NEK11: variants seen among roughly 807,000 people sequenced by gnomAD.
The protein encoded by NEK11 is serine/threonine-protein kinase Nek11.
A neutral mutation model predicts 80.7 loss-of-function variants in NEK11; 72 were observed. That is an observed-to-expected ratio of 0.89 (90% confidence interval 0.74 to 1.08). NEK11 has a LOEUF of 1.08. Among genes scored for constraint, NEK11 ranks in the 50% least tolerant of loss-of-function variants. The pLI is 0.00. For synonymous variants in NEK11, 251 were observed against 260.7 expected, an observed-to-expected ratio of 0.96 and a Z score of 0.36; for missense variants, 764 against 763.6, an observed-to-expected ratio of 1.00 and a Z score of -0.01.
intron 7 of NEK11, among the ~76,000 whole-genome samples, chr3:131,147,435 C>T (rs1279920030): frequency 1.3e-5 from 2 of 151,952 alleles, no homozygotes; most frequent in African/African-American, 2.4e-5. Flanking sequence ...ATTTTTTCTT[C>T]TTTGCCAATA....
At chr3:131,113,656 T>C (rs944685792) in intron 5 of NEK11, among the ~76,000 whole-genome samples, 1 of 152,112 alleles carries the variant, frequency 6.6e-6, no homozygotes, top group Non-Finnish European at 1.5e-5. Context: ...CTCACGTCTG[T>C]AATCCCAGCA....
chr3:131,141,453 G>A (rs1427151750), intron 7 of NEK11, among the ~76,000 whole-genome samples: 1 of 152,082 alleles, frequency 6.6e-6, no homozygotes, highest in East Asian at 1.9e-4. Context: ...GAAGAGGGAG[G>A]GAACTGTGCA....
intron 5 of NEK11, among the ~76,000 whole-genome samples, chr3:131,115,989 TATTATA>T (rs1333038004): frequency 1.6e-4 from 23 of 141,924 alleles, no homozygotes; most frequent in South Asian, 4.5e-4. Flanking sequence ...TTTCTTTCTT[TATTATA>T]CTTTAAGTTC....
chr3:131,314,480 T>C (rs1322797732), intron 17 of NEK11, among the ~76,000 whole-genome samples: 2 of 152,200 alleles, frequency 1.3e-5, no homozygotes, highest in Non-Finnish European at 2.9e-5. Flanking sequence ...AACTGTAGGA[T>C]AAGTCTTTTT....
At chr3:131,302,538 T>C (rs1341600385) in intron 17 of NEK11, among the ~76,000 whole-genome samples, 1 of 152,232 alleles carries the variant, frequency 6.6e-6, no homozygotes, top group African/African-American at 2.4e-5. Context: ...CCAGAGATTC[T>C]GGTATGTTTT....
At chr3:131,289,496 G>C (rs1045681718) in intron 17 of NEK11, among the ~76,000 whole-genome samples, 1 of 152,198 alleles carries the variant, frequency 6.6e-6, no homozygotes, top group African/African-American at 2.4e-5. Context: ...ATAGGTATGA[G>C]TGTTTGGAAG....
intron 5 of NEK11, among the ~76,000 whole-genome samples, chr3:131,117,168 G>A (rs2081388038): frequency 6.6e-6 from 1 of 152,132 alleles, no homozygotes. Context: ...TGTAAGGAAG[G>A]GACCCAGTTT....
intron 14 of NEK11, among the ~76,000 whole-genome samples, chr3:131,188,321 T>G (rs2093670785): frequency 6.6e-6 from 1 of 152,180 alleles, no homozygotes; most frequent in East Asian, 1.9e-4. Context: ...ATTATTAGAT[T>G]GGTGCAAAAG....
At chr3:131,316,764 G>C (rs897994713) in intron 17 of NEK11, among the ~76,000 whole-genome samples, 2 of 152,236 alleles carry the variant, frequency 1.3e-5, no homozygotes. Context: ...GATCAGAGAG[G>C]AAGAAAATAT....
intron 17 of NEK11, among the ~76,000 whole-genome samples, chr3:131,300,379 TTTAA>T (rs1314596043): frequency 6.6e-6 from 1 of 152,190 alleles, no homozygotes; most frequent in Non-Finnish European, 1.5e-5. Context: ...AGCTCTTTAA[TTTAA>T]TTAAGTTTCA....
chr3:131,190,022 A>G (rs1468185467), intron 14 of NEK11, among the ~76,000 whole-genome samples: 1 of 152,210 alleles, frequency 6.6e-6, no homozygotes, highest in Non-Finnish European at 1.5e-5. Context: ...TTTTAATCAC[A>G]TATAGCCTTG....
At chr3:131,258,385 A>G (rs1482847034) in intron 16 of NEK11, among the ~76,000 whole-genome samples, 3 of 152,230 alleles carry the variant, frequency 2.0e-5, no homozygotes, top group Non-Finnish European at 4.4e-5. Flanking sequence ...TTCCTTAAGT[A>G]TTTGAATCAG....
At chr3:131,292,361 C>A (rs2096552651) in intron 17 of NEK11, among the ~76,000 whole-genome samples, 1 of 152,132 alleles carries the variant, frequency 6.6e-6, no homozygotes, top group Admixed American at 6.5e-5. Flanking sequence ...TGTTAGTTTT[C>A]AAACTTTGTT....
chr3:131,349,441 T>C (rs970180071), intron 17 of NEK11, 116 bp from the exon 18 acceptor site: 12 of 857,268 alleles, frequency 1.4e-5, no homozygotes, highest in Non-Finnish European at 2.0e-5. Context: ...TTCTTCCCCC[T>C]TTTTTTCTAA....
chr3:131,232,613 T>C (rs1484443256), intron 15 of NEK11, among the ~76,000 whole-genome samples: 1 of 152,176 alleles, frequency 6.6e-6, no homozygotes, highest in Non-Finnish European at 1.5e-5. Context: ...CCCCAAATCA[T>C]TCAGAGGTTT....
At chr3:131,216,917 C>A (rs1041307938) in intron 14 of NEK11, among the ~76,000 whole-genome samples, 2 of 152,170 alleles carry the variant, frequency 1.3e-5, no homozygotes, top group Non-Finnish European at 2.9e-5. Context: ...AGCCATTTGG[C>A]ATGTGGAGTA....
intron 14 of NEK11, among the ~76,000 whole-genome samples, chr3:131,171,113 C>T (rs540535391): frequency 6.6e-6 from 1 of 152,350 alleles, no homozygotes; most frequent in South Asian, 2.1e-4. Context: ...TGGAAACTCA[C>T]ACCTGGTGAG....
chr3:131,087,100 G>C (rs527750399), intron 4 of NEK11, among the ~76,000 whole-genome samples: 2 of 152,008 alleles, frequency 1.3e-5, no homozygotes, highest in Non-Finnish European at 2.9e-5. Context: ...ATAATTGTTC[G>C]TTATTTCACT....
intron 4 of NEK11, among the ~76,000 whole-genome samples, chr3:131,083,798 C>T (rs371719853): frequency 1.8e-4 from 27 of 152,284 alleles, no homozygotes; most frequent in African/African-American, 6.0e-4. Flanking sequence ...ACTGAACTCT[C>T]ATAATTTCTG....
Sources: gnomAD v4.1 joint callset for allele counts (sites outside exome capture counted in the v4.1 genomes callset) on GRCh38, gnomAD v4.1.1 for gene constraint, MANE v1.5 for transcripts, NCBI Gene and HGNC (gene_info 2026-07-23, HGNC 2026-07-21) for gene names.